MALRD1: variants seen among roughly 807,000 people sequenced by gnomAD.
MALRD1 encodes the protein MAM and LDL receptor class A domain containing 1.
Under a neutral mutation model 242.1 loss-of-function variants are expected in MALRD1, and 247 were observed. The observed-to-expected ratio is 1.02, with a 90% CI of 0.92 to 1.13. The LOEUF (loss-of-function observed/expected upper bound fraction) is 1.13, where lower values mean the gene tolerates loss of function less well. MALRD1 is among the 50% of genes most tolerant of loss of function. The pLI is 0.00. For missense variants in MALRD1, 2,989 were observed against 2,533.1 expected, an observed-to-expected ratio of 1.18 and a Z score of -3.86; for synonymous variants, 995 against 866.6, an observed-to-expected ratio of 1.15 and a Z score of -2.60.
At chr10:19,386,299 C>T (rs926774517) in intron 26 of MALRD1, among the ~76,000 whole-genome samples, 2 of 152,032 alleles carry the variant, frequency 1.3e-5, no homozygotes, top group African/African-American at 4.8e-5. Context: ...CACATCAACC[C>T]TCATCTACCA....
rs1468970083 is a variant in MALRD1 at position 19,283,018 on chromosome 10, G to C, written c.3257-1G>C. The C allele has an allele frequency of 1.5e-5, 23 of 1,538,476 alleles. No individual in the cohort carries two copies. The highest frequency in any genetic ancestry group is 2.0e-5 in the Non-Finnish European group (23 of 1,139,864). On this transcript the variant is annotated splice_acceptor_variant, in intron 20 of 39. Transcript: ENST00000454679. LOFTEE classifies it high-confidence loss of function. ...CTTTTCTTTGTTCTACCCCATCCAA[G>C]TTATGGAAGTTTGCAGCTTTGAGAA...
At chr10:19,300,442 T>C (rs1281657212) in intron 21 of MALRD1, among the ~76,000 whole-genome samples, 1 of 151,894 alleles carries the variant, frequency 6.6e-6, no homozygotes, top group Non-Finnish European at 1.5e-5. Context: ...GGAGAAATCA[T>C]ACTACCCAAT....
At chr10:19,103,944 T>G (rs756981446) in intron 4 of MALRD1, 35 bp from the exon 5 acceptor site, 33 of 1,151,106 alleles carry the variant, frequency 2.9e-5, no homozygotes, top group Non-Finnish European at 3.6e-5. Flanking sequence ...TTGCTTTATG[T>G]TTTTGTTTTG....
chr10:19,712,208 A>G (rs1035040356), intron 38 of MALRD1, among the ~76,000 whole-genome samples: 3 of 152,240 alleles, frequency 2.0e-5, no homozygotes, highest in Admixed American at 6.5e-5. Context: ...CAGGTCAGGG[A>G]TGAAAAAACG....
chr10:19,191,242 T>G (rs2131585080), intron 14 of MALRD1, among the ~76,000 whole-genome samples: 1 of 152,236 alleles, frequency 6.6e-6, no homozygotes, highest in East Asian at 1.9e-4. Flanking sequence ...ATTAGGGAAA[T>G]GCAAATCAAA....
intron 30 of MALRD1, among the ~76,000 whole-genome samples, chr10:19,496,095 G>T (rs1032408049): frequency 1.3e-5 from 2 of 152,124 alleles, no homozygotes; most frequent in Non-Finnish European, 2.9e-5. Flanking sequence ...CCTATGAAGA[G>T]ACTTAGACTC....
intron 5 of MALRD1, among the ~76,000 whole-genome samples, chr10:19,119,213 T>C (rs1836976962): frequency 6.6e-6 from 1 of 152,130 alleles, no homozygotes; most frequent in African/African-American, 2.4e-5. Flanking sequence ...TTTCATTAAC[T>C]GGGATAAGAA....
chr10:19,718,219 A>C (rs538037774), intron 38 of MALRD1, among the ~76,000 whole-genome samples: 1 of 148,638 alleles, frequency 6.7e-6, no homozygotes, highest in Non-Finnish European at 1.5e-5. Context: ...AAGAAGAAGA[A>C]GAAGCAACAG....
At chr10:19,451,887 G>C (rs1217991254) in intron 29 of MALRD1, among the ~76,000 whole-genome samples, 1 of 152,134 alleles carries the variant, frequency 6.6e-6, no homozygotes, top group Non-Finnish European at 1.5e-5. Context: ...ACCATGTAAG[G>C]AGCATGTAGC....
intron 38 of MALRD1, among the ~76,000 whole-genome samples, chr10:19,719,258 A>ATG (rs1834627761): frequency 3.0e-5 from 4 of 133,366 alleles, no homozygotes; most frequent in Non-Finnish European, 6.3e-5. Context: ...ATATATATAT[A>ATG]TGCTATCAAA....
chr10:19,146,441 T>A, intron 11 of MALRD1, 97 bp downstream of exon 11: 1 of 1,048,084 alleles, frequency 9.5e-7, no homozygotes, highest in Non-Finnish European at 1.2e-6. Flanking sequence ...GTAGACTGTA[T>A]ACATGGAACT....
At chr10:19,541,793 T>C (rs1834985367) in intron 32 of MALRD1, among the ~76,000 whole-genome samples, 2 of 152,196 alleles carry the variant, frequency 1.3e-5, no homozygotes, top group African/African-American at 4.8e-5. Flanking sequence ...GAATAGGTCT[T>C]GATAGCAATG....
At chr10:19,280,581 C>T (rs1840754431) in intron 20 of MALRD1, among the ~76,000 whole-genome samples, 1 of 152,144 alleles carries the variant, frequency 6.6e-6, no homozygotes, top group Non-Finnish European at 1.5e-5. Context: ...CTTTATAGTA[C>T]TGTCAAATTA....
At chr10:19,728,313 T>C (rs893334856) in intron 38 of MALRD1, 1 of 152,246 alleles carries the variant, frequency 6.6e-6, no homozygotes, top group African/African-American at 2.4e-5. Context: ...TTTTTTCATT[T>C]TAATAGAAAA....
Position 19,087,864 on chromosome 10 carries a change from G to C in MALRD1, c.365G>C (p.Arg122Thr). The change falls in exon 3 of 40, where the codon AGA becomes ACA. Residue 122 changes from arginine to threonine, a missense_variant. Arg to Thr is a moderately conservative substitution (Grantham distance 71). Coordinates refer to ENST00000454679, the MANE Select transcript of MALRD1 (RefSeq NM_001142308.3). ...GCTCACTTCCTCTCACTGGTTTCCA[G>C]AGTGGATTCTATTTCCTCAAGTTTA... ...VSAHFLSLVS[R>T]VDSISSSLRS... 1 of 1,232,992 alleles carries C rather than the reference G, an allele frequency of 8.1e-7. No homozygotes were observed. Among genetic ancestry groups the C allele is most frequent in the South Asian group, 4.1e-5 (1 of 24,392 alleles). 76.4% of individuals were successfully genotyped at this position (1,232,992 alleles called of 1,614,324 possible).
chr10:19,532,277 CAG>C (rs775009612), intron 32 of MALRD1, among the ~76,000 whole-genome samples: 5 of 152,194 alleles, frequency 3.3e-5, no homozygotes, highest in Non-Finnish European at 7.4e-5. Flanking sequence ...CAGGGAGAGA[CAG>C]AGTCTTGCTC....
rs10631948 is a variant in MALRD1 at position 19,199,813 on chromosome 10, T to TAAATAAAATAAAATA, written c.1952-3899_1952-3885dup. ...AAGACTCTGTCTCCAAATAAATAAA[T>TAAATAAAATAAAATA]AAATAAAATAAAATAAAATAAAATA... On this transcript the variant is annotated intron_variant, in intron 14 of 39. Coordinates refer to ENST00000454679, the MANE Select transcript of MALRD1 (RefSeq NM_001142308.3). Among the ~76,000 whole-genome samples, 726 of 148,666 alleles carry TAAATAAAATAAAATA rather than the reference T, an allele frequency of 4.9e-3. 2 individuals are homozygous for TAAATAAAATAAAATA. The highest frequency in any genetic ancestry group is 0.014 in the Middle Eastern group (4 of 290).
chr10:19,459,415 T>G (rs977636324), intron 29 of MALRD1, among the ~76,000 whole-genome samples: 2 of 152,280 alleles, frequency 1.3e-5, no homozygotes, highest in African/African-American at 2.4e-5. Flanking sequence ...CTTGAATTGA[T>G]TTGAGACAGG....
chr10:19,580,197 TG>T (rs1837042559), intron 33 of MALRD1, among the ~76,000 whole-genome samples: 1 of 152,210 alleles, frequency 6.6e-6, no homozygotes, highest in African/African-American at 2.4e-5. Context: ...TTTAGATTAT[TG>T]GGGGTTATAC....
Sources: gnomAD v4.1 joint callset for allele counts (sites outside exome capture counted in the v4.1 genomes callset) on GRCh38, gnomAD v4.1.1 for gene constraint, MANE v1.5 for transcripts, NCBI Gene and HGNC (gene_info 2026-07-23, HGNC 2026-07-21) for gene names.